Variants in MACROD2 observed in about 807,000 individuals in gnomAD.
MACROD2 encodes the protein mono-ADP ribosylhydrolase 2.
In MACROD2, 36 loss-of-function variants were observed where a neutral mutation model predicts 70.4. The ratio of observed to expected loss-of-function variants is 0.51; its 90% CI spans 0.39 to 0.68. The LOEUF (loss-of-function observed/expected upper bound fraction) is 0.68. Ranked by LOEUF, MACROD2 falls within the 30% of genes least tolerant of loss-of-function variation. MACROD2 has a pLI of 0.00. For missense variants in MACROD2, 496 were observed against 538.4 expected (o/e 0.92, Z 0.78); for synonymous variants, 172 against 178.8 (o/e 0.96, Z 0.30).
intron 5 of MACROD2, among the ~76,000 whole-genome samples, chr20:15,176,989 C>T (rs1374388599): frequency 4.6e-5 from 7 of 152,186 alleles, no homozygotes; most frequent in African/African-American, 1.4e-4. Flanking sequence ...CAGTTACAGC[C>T]TTGAATGGAG....
intron 9 of MACROD2, among the ~76,000 whole-genome samples, chr20:15,877,907 T>C (rs1292522035): frequency 6.6e-6 from 1 of 152,122 alleles, no homozygotes; most frequent in African/African-American, 2.4e-5. Flanking sequence ...TGTACGGATG[T>C]TCCTGAAAAT....
chr20:15,155,065 G>A (rs571729980), intron 5 of MACROD2, among the ~76,000 whole-genome samples: 10 of 152,156 alleles, frequency 6.6e-5, no homozygotes, highest in African/African-American at 2.2e-4. Flanking sequence ...AAAAATAATA[G>A]CAACAGATAA....
At chr20:14,945,200 C>T (rs1469095210) in intron 5 of MACROD2, among the ~76,000 whole-genome samples, 11 of 151,904 alleles carry the variant, frequency 7.2e-5, no homozygotes, top group Admixed American at 5.9e-4. Flanking sequence ...TCACTGCAAC[C>T]TCTGCCTCCC....
At chr20:14,169,640 C>T (rs761829075) in intron 3 of MACROD2, among the ~76,000 whole-genome samples, 1 of 151,990 alleles carries the variant, frequency 6.6e-6, no homozygotes, top group Non-Finnish European at 1.5e-5. Context: ...TGATGCCCAG[C>T]GTTGGCCATA....
intron 4 of MACROD2, among the ~76,000 whole-genome samples, chr20:14,627,910 G>A (rs1180009675): frequency 1.3e-5 from 2 of 152,160 alleles, no homozygotes; most frequent in African/African-American, 4.8e-5. Context: ...GGGAAAAGCA[G>A]ATAAATTAAT....
At chr20:14,764,006 C>T (rs118073362) in intron 5 of MACROD2, among the ~76,000 whole-genome samples, 5,163 of 152,106 alleles carry the variant, frequency 0.034, 135 homozygotes, top group Non-Finnish European at 0.049. Context: ...GTTGCCTTAT[C>T]CCACATGCAT....
intron 8 of MACROD2, among the ~76,000 whole-genome samples, chr20:15,775,282 C>G (rs528548252): frequency 6.6e-6 from 1 of 152,250 alleles, no homozygotes; most frequent in African/African-American, 2.4e-5. Flanking sequence ...TTTCCATGCT[C>G]TAACATCAAT....
intron 4 of MACROD2, among the ~76,000 whole-genome samples, chr20:14,621,427 G>A (rs576018094): frequency 7.4e-4 from 112 of 152,072 alleles, no homozygotes; most frequent in Non-Finnish European, 1.4e-3. Context: ...AAAAAAGATA[G>A]GAAATGATCT....
intron 8 of MACROD2, among the ~76,000 whole-genome samples, chr20:15,795,755 G>A (rs575261633): frequency 3.1e-4 from 47 of 152,296 alleles, no homozygotes; most frequent in African/African-American, 1.1e-3. Context: ...TTTCAAAACT[G>A]AGTATAGATA....
At chr20:15,447,264 C>A (rs1450819213) in intron 7 of MACROD2, among the ~76,000 whole-genome samples, 1 of 152,132 alleles carries the variant, frequency 6.6e-6, no homozygotes, top group Non-Finnish European at 1.5e-5. Context: ...AAGCTGGCTG[C>A]AAGCTATGGC....
chr20:14,533,691 A>T (rs906096354), intron 4 of MACROD2, among the ~76,000 whole-genome samples: 1 of 152,254 alleles, frequency 6.6e-6, no homozygotes, highest in Non-Finnish European at 1.5e-5. Context: ...CCTAAATAGT[A>T]TGTAGTTTTA....
At chr20:15,715,356 A>G (rs559366110) in intron 8 of MACROD2, among the ~76,000 whole-genome samples, 1 of 152,108 alleles carries the variant, frequency 6.6e-6, no homozygotes, top group Non-Finnish European at 1.5e-5. Context: ...TTCTTTTGCA[A>G]CCCTGATCTT....
At chr20:14,721,188 G>A (rs548877475) in intron 5 of MACROD2, among the ~76,000 whole-genome samples, 1 of 150,316 alleles carries the variant, frequency 6.7e-6, no homozygotes, top group Admixed American at 6.6e-5. Flanking sequence ...CCAGGAGGTG[G>A]AGGTTGCAGT....
intron 3 of MACROD2, among the ~76,000 whole-genome samples, chr20:14,269,486 A>G (rs981083474): frequency 6.6e-6 from 1 of 152,198 alleles, no homozygotes; most frequent in Non-Finnish European, 1.5e-5. Context: ...CTTTTTCAAG[A>G]TAGTATTGGC....
chr20:15,988,975 T>C (rs375626244), intron 15 of MACROD2, among the ~76,000 whole-genome samples: 9 of 152,152 alleles, frequency 5.9e-5, no homozygotes, highest in African/African-American at 1.2e-4. Flanking sequence ...TGCTCCACCA[T>C]TGACAAGCTG....
At chr20:15,452,824 C>T (rs1160394733) in intron 7 of MACROD2, among the ~76,000 whole-genome samples, 1 of 152,134 alleles carries the variant, frequency 6.6e-6, no homozygotes, top group East Asian at 1.9e-4. Context: ...TTTTCCATTT[C>T]ACCTCTCCCA....
intron 8 of MACROD2, among the ~76,000 whole-genome samples, chr20:15,850,789 A>G (rs910984474): frequency 2.6e-5 from 4 of 152,152 alleles, no homozygotes; most frequent in Admixed American, 2.6e-4. Flanking sequence ...CCCAATGGTC[A>G]GTGTCGGATG....
chr20:15,229,979 T>G lies in MACROD2; in HGVS notation c.458T>G (p.Ile153Ser), dbSNP rs1568654374. Residue 153 changes from isoleucine to serine, a missense_variant, in exon 6 of 18, where the codon ATT becomes AGT. By Grantham distance (142) the Ile-to-Ser change is moderately radical. Transcript: ENST00000684519. ...GTAGGGCCAATAGCCAGGGGCCATATTAATGGTTCCCACAAGGAAGACCTT... is the reference window on the plus strand; with the variant it reads ...GTAGGGCCAATAGCCAGGGGCCATAGTAATGGTTCCCACAAGGAAGACCTT... ...HTVGPIARGH[I>S]NGSHKEDLAN... The G allele has an allele frequency of 6.2e-7, 1 of 1,613,884 alleles. No individual in the cohort carries two copies. Among genetic ancestry groups the G allele is most frequent in the Non-Finnish European group, 8.5e-7 (1 of 1,179,810 alleles).
intron 5 of MACROD2, among the ~76,000 whole-genome samples, chr20:14,807,668 C>A (rs1016803060): frequency 2.0e-5 from 3 of 151,928 alleles, no homozygotes; most frequent in Non-Finnish European, 2.9e-5. Flanking sequence ...ATGTCCTAAC[C>A]CAATGGAAGG....
Sources: gnomAD v4.1 joint callset for allele counts (sites outside exome capture counted in the v4.1 genomes callset) on GRCh38, gnomAD v4.1.1 for gene constraint, MANE v1.5 for transcripts, NCBI Gene and HGNC (gene_info 2026-07-23, HGNC 2026-07-21) for gene names.